The following RABGAP1L variants were observed in gnomAD, a reference collection of about 807,000 sequenced individuals.
RABGAP1L encodes rab GTPase-activating protein 1-like.
A neutral mutation model predicts 137.7 loss-of-function variants in RABGAP1L; 63 were observed. The observed-to-expected ratio is 0.46, with a 90% CI of 0.37 to 0.56. The LOEUF (loss-of-function observed/expected upper bound fraction) is 0.56, where lower values mean the gene tolerates loss of function less well. Among genes scored for constraint, RABGAP1L ranks in the 20% least tolerant of loss-of-function variants. The pLI, the probability that RABGAP1L is intolerant of heterozygous loss-of-function variation, is 0.00. For missense variants in RABGAP1L, 1,095 were observed against 1,244.0 expected, an observed-to-expected ratio of 0.88 and a Z score of 1.80; for synonymous variants, 431 against 433.7, an observed-to-expected ratio of 0.99 and a Z score of 0.08.
chr1:174,727,050 G>A (rs1414885309), intron 17 of RABGAP1L, among the ~76,000 whole-genome samples: 1 of 152,106 alleles, frequency 6.6e-6, no homozygotes, highest in Non-Finnish European at 1.5e-5. Context: ...TCTGCTTACA[G>A]TCTATGCAAC....
rs1049169373 is a variant in RABGAP1L at position 174,209,083 on chromosome 1, C to A, written c.-33-10042C>A. The stretch of plus-strand genomic sequence containing the variant: ...CTTGTAAGGAGCACTCAACCTAGAT[C>A]CCTCACATGTGCAGTACACAGTAGG... On this transcript the variant is annotated intron_variant, in intron 1 of 25. Coordinates refer to ENST00000681986, the MANE Select transcript of RABGAP1L (RefSeq NM_001366446.1). Among the ~76,000 whole-genome samples the A allele has an allele frequency of 2.6e-5, 4 of 152,142 alleles. No individual in the cohort carries two copies. The South Asian group carries it at 6.2e-4, about 24-fold the overall frequency.
Position 174,696,904 on chromosome 1 carries a change from T to C in RABGAP1L, c.1900-2621T>C, listed in dbSNP as rs182596774. On this transcript the variant is annotated intron_variant, in intron 15 of 25. Coordinates refer to ENST00000681986, the MANE Select transcript of RABGAP1L (RefSeq NM_001366446.1). ...TGGATAGTTGTTCAATTTGGTGTTC[T>C]TGAGGGAGGATGATTGCTGAAGGAT... 3.5e-3 allele frequency among the ~76,000 whole-genome samples: 538 copies of C among 152,354 alleles called. 5 individuals carry two copies. Among genetic ancestry groups the C allele is most frequent in the African/African-American group, 0.012 (512 of 41,578 alleles).
At chr1:174,882,019 G>A (rs977750687) in intron 19 of RABGAP1L, among the ~76,000 whole-genome samples, 1 of 152,042 alleles carries the variant, frequency 6.6e-6, no homozygotes, top group Non-Finnish European at 1.5e-5. Context: ...GCGCCACCAT[G>A]CCTGGCTAAT....
chr1:174,959,643 C>T (rs532839425), intron 20 of RABGAP1L, among the ~76,000 whole-genome samples: 13 of 152,220 alleles, frequency 8.5e-5, no homozygotes, highest in South Asian at 2.1e-4. Context: ...TTACACATAT[C>T]GGATACCCTC....
At chr1:174,207,301 A>C (rs1008315397) in intron 1 of RABGAP1L, among the ~76,000 whole-genome samples, 2 of 152,176 alleles carry the variant, frequency 1.3e-5, no homozygotes, top group African/African-American at 4.8e-5. Context: ...ATTAGTCTGA[A>C]GTTCACTAGA....
intron 19 of RABGAP1L, among the ~76,000 whole-genome samples, chr1:174,873,890 T>C (rs1159940523): frequency 6.6e-6 from 1 of 152,214 alleles, no homozygotes; most frequent in African/African-American, 2.4e-5. Context: ...TTTGCTGCAT[T>C]GGAGAGAACA....
intron 13 of RABGAP1L, among the ~76,000 whole-genome samples, chr1:174,585,676 G>A (rs897172102): frequency 6.6e-6 from 1 of 152,224 alleles, no homozygotes; most frequent in Non-Finnish European, 1.5e-5. Flanking sequence ...GATGCGCTAA[G>A]CATGTGCTTA....
intron 13 of RABGAP1L, among the ~76,000 whole-genome samples, chr1:174,556,172 A>G (rs953262369): frequency 2.6e-5 from 4 of 151,580 alleles, no homozygotes; most frequent in South Asian, 2.1e-4. Flanking sequence ...TAATTTTTGT[A>G]TTTTTAGTAG....
chr1:174,477,023 G>T (rs1047829399), intron 13 of RABGAP1L, among the ~76,000 whole-genome samples: 4 of 152,120 alleles, frequency 2.6e-5, no homozygotes, highest in East Asian at 3.8e-4. Context: ...TTGTGGCAGG[G>T]TCCCCTCTTT....
intron 19 of RABGAP1L, chr1:174,877,378 CCCCTCGAACT>C: frequency 6.5e-7 from 1 of 1,544,614 alleles, no homozygotes; most frequent in Non-Finnish European, 8.7e-7. Flanking sequence ...GACACTCCAC[CCCCTCGAACT>C]CAGGTGGGTG....
At chr1:174,785,553 A>C (rs1687389570) in intron 18 of RABGAP1L, among the ~76,000 whole-genome samples, 1 of 152,258 alleles carries the variant, frequency 6.6e-6, no homozygotes, top group Admixed American at 6.5e-5. Context: ...TGCTTAGCAC[A>C]CTTGCTGCTT....
At chr1:174,931,990 GTTTT>G (rs532860564) in intron 19 of RABGAP1L, among the ~76,000 whole-genome samples, 15 of 69,646 alleles carry the variant, frequency 2.2e-4, no homozygotes, top group African/African-American at 2.6e-4. Context: ...TGCTTTTTTG[GTTTT>G]TTTTTTTTTT....
chr1:174,675,618 C>T (rs917453580), intron 14 of RABGAP1L, among the ~76,000 whole-genome samples: 1 of 151,944 alleles, frequency 6.6e-6, no homozygotes, highest in Non-Finnish European at 1.5e-5. Flanking sequence ...TTTTCCAATT[C>T]TGTGAAGAAA....
At chr1:174,701,500 G>C (rs1446610536) in intron 16 of RABGAP1L, among the ~76,000 whole-genome samples, 1 of 152,138 alleles carries the variant, frequency 6.6e-6, no homozygotes, top group Admixed American at 6.5e-5. Context: ...CCAGCACTTT[G>C]GGAGGCCAAG....
intron 19 of RABGAP1L, among the ~76,000 whole-genome samples, chr1:174,861,623 CT>C (rs958430703): frequency 1.3e-5 from 2 of 151,066 alleles, no homozygotes; most frequent in Non-Finnish European, 3.0e-5. Flanking sequence ...ATTGTTATCT[CT>C]TTTTTTTTAA....
chr1:174,716,548 C>A (rs1226773761), intron 17 of RABGAP1L, among the ~76,000 whole-genome samples: 2 of 152,176 alleles, frequency 1.3e-5, no homozygotes, highest in African/African-American at 4.8e-5. Context: ...AGTACTAGAA[C>A]TGTTGTTTGC....
intron 1 of RABGAP1L, among the ~76,000 whole-genome samples, chr1:174,190,295 C>G (rs1040173877): frequency 3.0e-5 from 4 of 132,078 alleles, no homozygotes; most frequent in African/African-American, 1.3e-4. Context: ...GAGCGAGACT[C>G]CGTTGCAAAA....
chr1:174,341,684 T>C (rs1681984113), intron 11 of RABGAP1L, among the ~76,000 whole-genome samples: 1 of 152,212 alleles, frequency 6.6e-6, no homozygotes, highest in Non-Finnish European at 1.5e-5. Flanking sequence ...GGTGAAAATC[T>C]TTGATTTCTA....
intron 13 of RABGAP1L, among the ~76,000 whole-genome samples, chr1:174,413,844 GTT>G (rs1650228369): frequency 6.6e-6 from 1 of 152,018 alleles, no homozygotes; most frequent in African/African-American, 2.4e-5. Context: ...CTTGATTCTT[GTT>G]TATTTTCGGA....
Sources: allele counts gnomAD v4.1 joint callset (sites outside exome capture counted in the v4.1 genomes callset), GRCh38; gene constraint gnomAD v4.1.1; transcripts MANE v1.5; gene names NCBI Gene and HGNC (gene_info 2026-07-23, HGNC 2026-07-21).